The following ERP44 variants were observed in gnomAD, a reference collection of about 807,000 sequenced individuals.
ERP44 encodes endoplasmic reticulum resident protein 44.
Under a neutral mutation model 53.4 loss-of-function variants are expected in ERP44, and 25 were observed. The ratio of observed to expected loss-of-function variants is 0.47; its 90% CI spans 0.34 to 0.65. ERP44 has a LOEUF of 0.65. ERP44 is among the 30% of genes least tolerant of loss of function. ERP44 has a pLI of 0.01. For synonymous variants in ERP44, 145 were observed against 161.2 expected (o/e 0.90, Z 0.76); for missense variants, 338 against 493.2 (o/e 0.69, Z 2.98).
intron 1 of ERP44, among the ~76,000 whole-genome samples, chr9:100,092,723 A>G (rs542578214): frequency 6.6e-6 from 1 of 152,348 alleles, no homozygotes; most frequent in African/African-American, 2.4e-5. Context: ...AAACATGCAC[A>G]CAAGAAAACA....
intron 4 of ERP44, among the ~76,000 whole-genome samples, chr9:100,047,824 A>T (rs1825991129): frequency 6.6e-6 from 1 of 152,180 alleles, no homozygotes; most frequent in African/African-American, 2.4e-5. Flanking sequence ...TTTATTTGCA[A>T]ATCATATATA....
At chr9:100,070,700 T>A (rs982662348) in intron 1 of ERP44, among the ~76,000 whole-genome samples, 2 of 152,198 alleles carry the variant, frequency 1.3e-5, no homozygotes, top group Non-Finnish European at 1.5e-5. Flanking sequence ...TTGAACATGA[T>A]CTCAATTTAA....
chr9:100,096,290 C>A (rs7848085), intron 1 of ERP44, among the ~76,000 whole-genome samples: 8 of 151,938 alleles, frequency 5.3e-5, no homozygotes, highest in South Asian at 4.2e-4. Context: ...ATTTTCCCAG[C>A]GGAAAACCCT....
At chr9:100,035,765 C>T (rs1356238090) in intron 4 of ERP44, among the ~76,000 whole-genome samples, 1 of 152,120 alleles carries the variant, frequency 6.6e-6, no homozygotes, top group East Asian at 1.9e-4. Context: ...CAAAAGACGA[C>T]ATACAAGCAG....
In ERP44 at chr9:100,002,046, A is replaced by T. The variant is rs575146986; in HGVS notation, c.1016+4460T>A. On this transcript the variant is annotated intron_variant, in intron 10 of 11. Transcript: ENST00000262455. ...AAAATATAATTATAATAGGGTTTTT[A>T]AAATTTTTATTTTATTTTGTACATT... 3.3e-5 allele frequency among the ~76,000 whole-genome samples: 5 copies of T among 151,934 alleles called. No homozygotes were observed. The East Asian group carries it at 9.7e-4, about 29-fold the overall frequency.
chr9:100,069,163 C>G (rs2118732248), intron 1 of ERP44, among the ~76,000 whole-genome samples: 1 of 152,052 alleles, frequency 6.6e-6, no homozygotes, highest in East Asian at 1.9e-4. Flanking sequence ...CGGAAGGCCG[C>G]AGGGTCCTCT....
chr9:100,073,127 A>G (rs1430020143), intron 1 of ERP44, among the ~76,000 whole-genome samples: 3 of 152,220 alleles, frequency 2.0e-5, no homozygotes, highest in Non-Finnish European at 4.4e-5. Context: ...CAAGAGGCAG[A>G]TGATTTAAAA....
intron 1 of ERP44, among the ~76,000 whole-genome samples, chr9:100,096,662 T>G (rs1826634730): frequency 6.6e-6 from 1 of 152,128 alleles, no homozygotes; most frequent in African/African-American, 2.4e-5. Flanking sequence ...AAAATTATCA[T>G]AGTAAGAGAA....
chr9:100,068,406 AGCCGCCGG>A (rs1442176513), intron 1 of ERP44, among the ~76,000 whole-genome samples: 1 of 39,814 alleles, frequency 2.5e-5, no homozygotes, highest in East Asian at 0.017. Flanking sequence ...CTGCCCGGCC[AGCCGCCGG>A]GCCAGCCGCC....
At chr9:100,078,706 G>T (rs1564104807) in intron 1 of ERP44, among the ~76,000 whole-genome samples, 1 of 151,528 alleles carries the variant, frequency 6.6e-6, no homozygotes, top group East Asian at 1.9e-4. Flanking sequence ...AGTGAGCCAA[G>T]ATCATGCCAT....
chr9:100,097,323 C>G (rs373029348), intron 1 of ERP44, among the ~76,000 whole-genome samples: 1 of 152,026 alleles, frequency 6.6e-6, no homozygotes, highest in African/African-American at 2.4e-5. Flanking sequence ...AGTGTCTCAA[C>G]TTTTCTTTAC....
rs767833177 is a variant in ERP44 at position 100,098,817 on chromosome 9, G to A, written c.24C>T (p.Ser8=). The A allele has an allele frequency of 1.9e-6, 3 of 1,613,886 alleles. No individual in the cohort carries two copies. Among genetic ancestry groups the A allele is most frequent in the African/African-American group, 1.3e-5 (1 of 75,056 alleles). The part of the protein sequence containing the change: MHPAVFL[S]LPDLRCSLLL... ...GAAGGGAGCATCTGAGGTCGGGTAA[G>A]GATAGGAAGACGGCAGGATGCATGG... is the stretch of plus-strand genomic sequence containing the variant. Residue 8 remains serine, a synonymous_variant, in exon 1 of 12, where the codon TCC becomes TCT. Transcript: ENST00000262455.
At chr9:100,038,108 A>G (rs1013740776) in intron 4 of ERP44, among the ~76,000 whole-genome samples, 21 of 152,216 alleles carry the variant, frequency 1.4e-4, no homozygotes, top group Admixed American at 3.9e-4. Context: ...AGAAACGTTA[A>G]CGTGAGTATA....
intron 4 of ERP44, among the ~76,000 whole-genome samples, chr9:100,027,545 GT>G (rs1350252457): frequency 6.6e-6 from 1 of 152,102 alleles, no homozygotes; most frequent in Non-Finnish European, 1.5e-5. Flanking sequence ...TAATAAATGG[GT>G]TTTTAAAATT....
intron 1 of ERP44, among the ~76,000 whole-genome samples, chr9:100,098,302 A>G (rs900551321): frequency 2.6e-5 from 4 of 152,132 alleles, no homozygotes; most frequent in African/African-American, 9.7e-5. Flanking sequence ...CGGGTTCCCA[A>G]CCAATCGCAT....
chr9:100,016,413 A>C lies in ERP44; in HGVS notation c.671T>G (p.Leu224Trp). 1 of 1,612,388 alleles carries C rather than the reference A, an allele frequency of 6.2e-7. No individual in the cohort carries two copies. Among genetic ancestry groups the C allele is most frequent in the South Asian group, 1.1e-5 (1 of 90,640 alleles). Residue 224 changes from leucine (L) to tryptophan (W), a missense_variant, in exon 8 of 12, where the codon TTG (leucine) becomes TGG (tryptophan). By Grantham distance (61) the Leu-to-Trp change is moderately conservative. Coordinates refer to ENST00000262455, the MANE Select transcript of ERP44 (RefSeq NM_015051.3). ...CACATCAAAATTTGTCATAGCTCCCAAGTACACCATATCCGGAGCAGAATG... is the reference window on the plus strand; with the variant it reads ...CACATCAAAATTTGTCATAGCTCCCCAGTACACCATATCCGGAGCAGAATG... The part of the protein sequence containing the change: ...PGHSAPDMVY[L>W]GAMTNFDVTY...
At chr9:100,073,252 T>C (rs1826324254) in intron 1 of ERP44, among the ~76,000 whole-genome samples, 1 of 152,232 alleles carries the variant, frequency 6.6e-6, no homozygotes, top group Non-Finnish European at 1.5e-5. Flanking sequence ...ATTTTAAAAG[T>C]AATGCATGAT....
intron 4 of ERP44, among the ~76,000 whole-genome samples, chr9:100,051,073 T>C (rs1188027831): frequency 6.6e-6 from 1 of 152,180 alleles, no homozygotes; most frequent in Non-Finnish European, 1.5e-5. Flanking sequence ...AGTGTGAAAA[T>C]GTAGCCCATG....
intron 1 of ERP44, among the ~76,000 whole-genome samples, chr9:100,092,398 A>C (rs1826569189): frequency 6.6e-6 from 1 of 152,262 alleles, no homozygotes; most frequent in African/African-American, 2.4e-5. Context: ...TTTGTAGTCT[A>C]TCTTGAAAAT....
Sources: gnomAD v4.1 joint callset for allele counts (sites outside exome capture counted in the v4.1 genomes callset) on GRCh38, gnomAD v4.1.1 for gene constraint, MANE v1.5 for transcripts, NCBI Gene and HGNC (gene_info 2026-07-23, HGNC 2026-07-21) for gene names.